Variants in SGCD observed in about 807,000 individuals in gnomAD.
SGCD encodes sarcoglycan delta, also known as delta-sarcoglycan.
Under a neutral mutation model 36.6 loss-of-function variants are expected in SGCD, and 18 were observed. That is an observed-to-expected ratio of 0.49 (90% CI 0.34 to 0.73). The LOEUF (loss-of-function observed/expected upper bound fraction) is 0.73, where lower values mean the gene tolerates loss of function less well. SGCD is among the 30% of genes least tolerant of loss of function. SGCD has a pLI of 0.01. For missense variants in SGCD, 387 were observed against 346.7 expected (o/e 1.12, Z -0.92); for synonymous variants, 133 against 130.6 (o/e 1.02, Z -0.12).
the SGCD span, among the ~76,000 whole-genome samples, chr5:155,846,344 G>C: frequency 6.6e-6 from 1 of 152,138 alleles, no homozygotes; most frequent in Non-Finnish European, 1.5e-5. Flanking sequence ...TCTTTGCAGT[G>C]GTTTCCTTTA....
At chr5:156,500,691 G>T (rs542214687) in intron 3 of SGCD, among the ~76,000 whole-genome samples, 1 of 152,176 alleles carries the variant, frequency 6.6e-6, no homozygotes, top group African/African-American at 2.4e-5. Flanking sequence ...AACGACCAAC[G>T]TTTGCCTTTT....
chr5:155,846,702 A>G, the SGCD span, among the ~76,000 whole-genome samples: 1 of 152,178 alleles, frequency 6.6e-6, no homozygotes, highest in African/African-American at 2.4e-5. Flanking sequence ...TTCATCTCTA[A>G]ATGTATTTGC....
At chr5:156,696,885 C>G (rs1754336225) in intron 7 of SGCD, among the ~76,000 whole-genome samples, 2 of 150,854 alleles carry the variant, frequency 1.3e-5, no homozygotes, top group Admixed American at 6.6e-5. Flanking sequence ...TCTCTTAGAA[C>G]CCTCTTCTCT....
At chr5:155,892,848 C>T (rs1001024892) in intron 1 of SGCD, among the ~76,000 whole-genome samples, 3 of 152,096 alleles carry the variant, frequency 2.0e-5, no homozygotes, top group Non-Finnish European at 4.4e-5. Flanking sequence ...AAGTAAAGTA[C>T]GCCAGACACT....
chr5:156,404,616 C>A (rs1450319642), intron 3 of SGCD, among the ~76,000 whole-genome samples: 1 of 152,136 alleles, frequency 6.6e-6, no homozygotes, highest in East Asian at 1.9e-4. Context: ...CCTGACTGAC[C>A]AGCTTCTGTC....
intron 1 of SGCD, among the ~76,000 whole-genome samples, chr5:156,071,181 T>G (rs1440145641): frequency 2.0e-5 from 3 of 152,214 alleles, no homozygotes; most frequent in Admixed American, 2.0e-4. Flanking sequence ...AGCTTTTGAA[T>G]GTGTTTGCTC....
chr5:155,729,113 C>A, the SGCD span, among the ~76,000 whole-genome samples: 1 of 152,258 alleles, frequency 6.6e-6, no homozygotes, highest in African/African-American at 2.4e-5. Flanking sequence ...GAATGCAACA[C>A]TGTTTCCTCC....
chr5:155,950,359 C>T (rs1757525046), intron 1 of SGCD, among the ~76,000 whole-genome samples: 1 of 152,142 alleles, frequency 6.6e-6, no homozygotes, highest in African/African-American at 2.4e-5. Flanking sequence ...CTGAGTCTCA[C>T]AATAATTGAA....
intron 6 of SGCD, among the ~76,000 whole-genome samples, chr5:156,622,009 C>A (rs1341196616): frequency 6.6e-6 from 1 of 152,174 alleles, no homozygotes. Context: ...TAAACCCAGA[C>A]AATCAGACTC....
At chr5:156,683,383 C>T (rs963080159) in intron 7 of SGCD, among the ~76,000 whole-genome samples, 1 of 152,080 alleles carries the variant, frequency 6.6e-6, no homozygotes, top group Non-Finnish European at 1.5e-5. Flanking sequence ...TATTTTATCC[C>T]CAGTATCAAA....
intron 3 of SGCD, among the ~76,000 whole-genome samples, chr5:156,292,685 T>C (rs1766790105): frequency 6.6e-6 from 1 of 152,134 alleles, no homozygotes; most frequent in African/African-American, 2.4e-5. Context: ...CATACTATTT[T>C]CCACAGTGGG....
chr5:156,619,560 T>A (rs1395211681), intron 6 of SGCD, among the ~76,000 whole-genome samples: 1 of 152,172 alleles, frequency 6.6e-6, no homozygotes, highest in Non-Finnish European at 1.5e-5. Flanking sequence ...CTAGCTATAT[T>A]GTCTCCTTTC....
At chr5:156,366,864 AG>A (rs1220441143) in intron 3 of SGCD, among the ~76,000 whole-genome samples, 13 of 152,242 alleles carry the variant, frequency 8.5e-5, no homozygotes, top group Non-Finnish European at 4.4e-5. Flanking sequence ...TTTAGAATAA[AG>A]CAGAAAACAA....
chr5:155,852,427 T>C, the SGCD span, among the ~76,000 whole-genome samples: 1 of 152,154 alleles, frequency 6.6e-6, no homozygotes, highest in Non-Finnish European at 1.5e-5. Context: ...ACCCATATAC[T>C]TCATGTATTT....
chr5:156,162,961 T>A (rs1763119394), intron 3 of SGCD, among the ~76,000 whole-genome samples: 1 of 151,566 alleles, frequency 6.6e-6, no homozygotes, highest in Non-Finnish European at 1.5e-5. Context: ...TTTATCTAAC[T>A]TCCCTCCTTC....
intron 6 of SGCD, among the ~76,000 whole-genome samples, chr5:156,608,810 G>A (rs1301098240): frequency 6.6e-6 from 1 of 151,984 alleles, no homozygotes; most frequent in Non-Finnish European, 1.5e-5. Flanking sequence ...GGCCTTCTTT[G>A]TCTCTTTTGA....
intron 7 of SGCD, among the ~76,000 whole-genome samples, chr5:156,724,371 G>A (rs891891790): frequency 1.4e-4 from 21 of 152,194 alleles, no homozygotes; most frequent in African/African-American, 4.3e-4. Context: ...TTGGGAGGCC[G>A]AGGCAGGCAG....
At chr5:156,520,150 T>C (rs1257923010) in intron 4 of SGCD, among the ~76,000 whole-genome samples, 6 of 152,232 alleles carry the variant, frequency 3.9e-5, no homozygotes, top group Non-Finnish European at 7.3e-5. Flanking sequence ...CTTAAGCTGA[T>C]AAGCAACTTC....
At chr5:156,758,921 A>G (rs1051196366) in intron 8 of SGCD, among the ~76,000 whole-genome samples, 1 of 152,228 alleles carries the variant, frequency 6.6e-6, no homozygotes, top group East Asian at 1.9e-4. Flanking sequence ...AAATTGTTAA[A>G]TGTCACATTT....
Sources: gnomAD v4.1 joint callset for allele counts (sites outside exome capture counted in the v4.1 genomes callset) on GRCh38, gnomAD v4.1.1 for gene constraint, MANE v1.5 for transcripts, NCBI Gene and HGNC (gene_info 2026-07-23, HGNC 2026-07-21) for gene names.